The following ACVR1C variants were observed in gnomAD, a reference collection of about 807,000 sequenced individuals.
ACVR1C encodes activin A receptor type 1C.
Under a neutral mutation model 57.9 loss-of-function variants are expected in ACVR1C, and 23 were observed. That is an observed-to-expected ratio of 0.40 (90% CI 0.29 to 0.56). ACVR1C has a LOEUF of 0.56. ACVR1C is among the 20% of genes least tolerant of loss of function. The pLI is 0.50. For synonymous variants in ACVR1C, 214 were observed against 215.3 expected, an observed-to-expected ratio of 0.99 and a Z score of 0.05; for missense variants, 480 against 607.9, an observed-to-expected ratio of 0.79 and a Z score of 2.21.
chr2:157,532,180 G>C lies in ACVR1C; in HGVS notation c.*1738C>G, dbSNP rs1455280298. ...TGAAATGAAGCATAATCACTAAATT[G>C]TACTCTATGAGAAAATACAGAAGTA... On this transcript the variant is annotated 3_prime_UTR_variant, in exon 9 of 9. Coordinates refer to ENST00000243349, the MANE Select transcript of ACVR1C (RefSeq NM_145259.3). 6.6e-6 allele frequency: 1 copy of C among 151,952 alleles called. No homozygotes were observed. Among genetic ancestry groups the C allele is most frequent in the Non-Finnish European group, 1.5e-5 (1 of 67,970 alleles). The allele number at this position is 151,952 out of a possible 1,614,324, so 9.4% of individuals were successfully genotyped here.
intron 3 of ACVR1C, among the ~76,000 whole-genome samples, chr2:157,554,252 A>AAAGAAAGAAAGAAAGAAAGAAAGG (rs1688014432): frequency 1.5e-5 from 2 of 130,826 alleles, no homozygotes; most frequent in Non-Finnish European, 3.2e-5. Context: ...AGAAAGAAAG[A>AAAGAAAGAAAGAAAGAAAGAAAGG]AAGAAAGAAA....
intron 1 of ACVR1C, among the ~76,000 whole-genome samples, chr2:157,612,704 G>A (rs948653367): frequency 8.5e-5 from 13 of 152,214 alleles, no homozygotes; most frequent in African/African-American, 2.9e-4. Flanking sequence ...CCTCCTTGGT[G>A]TGCTGCACAG....
chr2:157,545,766 A>G (rs1438812392), intron 4 of ACVR1C, among the ~76,000 whole-genome samples: 1 of 151,992 alleles, frequency 6.6e-6, no homozygotes, highest in African/African-American at 2.4e-5. Context: ...TATTACTATT[A>G]TTTTATTTTT....
intron 1 of ACVR1C, among the ~76,000 whole-genome samples, chr2:157,608,733 T>C (rs1197578713): frequency 1.3e-5 from 2 of 152,006 alleles, no homozygotes; most frequent in African/African-American, 4.8e-5. Context: ...AATTTATCCA[T>C]TTCCTCTATG....
At chr2:157,574,734 A>C (rs1008065052) in intron 2 of ACVR1C, among the ~76,000 whole-genome samples, 1 of 152,180 alleles carries the variant, frequency 6.6e-6, no homozygotes, top group Non-Finnish European at 1.5e-5. Flanking sequence ...AAACCAAATA[A>C]ATCAATTGTT....
intron 2 of ACVR1C, among the ~76,000 whole-genome samples, chr2:157,563,952 T>C (rs892904289): frequency 2.0e-5 from 3 of 152,180 alleles, no homozygotes; most frequent in African/African-American, 4.8e-5. Flanking sequence ...TTACACATTA[T>C]ACAAAAATTA....
intron 2 of ACVR1C, among the ~76,000 whole-genome samples, chr2:157,579,438 A>T (rs192966754): frequency 6.6e-6 from 1 of 152,262 alleles, no homozygotes; most frequent in East Asian, 1.9e-4. Context: ...TGTGTAAATT[A>T]GTTACTGTAT....
intron 8 of ACVR1C, among the ~76,000 whole-genome samples, chr2:157,538,061 A>G (rs1162460372): frequency 1.3e-5 from 2 of 152,160 alleles, no homozygotes; most frequent in Non-Finnish European, 2.9e-5. Context: ...GACATTAACT[A>G]CCCACTGAGT....
intron 2 of ACVR1C, among the ~76,000 whole-genome samples, chr2:157,578,723 T>C (rs1483605302): frequency 2.0e-5 from 3 of 152,224 alleles, no homozygotes; most frequent in Non-Finnish European, 4.4e-5. Flanking sequence ...ATTCTGTTGC[T>C]AGCTATTTTC....
chr2:157,622,262 AAT>A (rs1682796230), intron 1 of ACVR1C, among the ~76,000 whole-genome samples: 1 of 152,170 alleles, frequency 6.6e-6, no homozygotes, highest in Non-Finnish European at 1.5e-5. Context: ...TAGAAAAAAA[AAT>A]CCTAAAATTT....
At position 157,556,279 on chromosome 2, in the gene ACVR1C, C is replaced by T. The variant is rs1688098337; in HGVS notation, c.358G>A (p.Val120Met). The T allele has an allele frequency of 4.3e-6, 7 of 1,614,120 alleles. No homozygotes were observed. In the East Asian group the frequency reaches 1.6e-4, roughly 36 times the overall value. ...GCTATGGACAGGAGGCAAACAGGCACAGTAATAATGATGGCCAGCTCCATG... is the reference window on the plus strand; with the variant it reads ...GCTATGGACAGGAGGCAAACAGGCATAGTAATAATGATGGCCAGCTCCATG... ...GPMELAIIIT[V>M]PVCLLSIAAM... Residue 120 changes from valine (V) to methionine (M), a missense_variant, in exon 3 of 9, where the codon GTG becomes ATG. Transcript: ENST00000243349.
intron 2 of ACVR1C, among the ~76,000 whole-genome samples, chr2:157,572,462 C>G (rs551744356): frequency 6.6e-6 from 1 of 151,878 alleles, no homozygotes; most frequent in Non-Finnish European, 1.5e-5. Flanking sequence ...TTGGAAAAAA[C>G]TGATGTGAAA....
intron 1 of ACVR1C, among the ~76,000 whole-genome samples, chr2:157,624,303 C>T (rs1478661039): frequency 6.6e-6 from 1 of 152,176 alleles, no homozygotes; most frequent in Admixed American, 6.5e-5. Flanking sequence ...TCAGCAGCCT[C>T]CTTATTCCTG....
intron 3 of ACVR1C, among the ~76,000 whole-genome samples, chr2:157,553,720 C>T (rs529040833): frequency 6.6e-6 from 1 of 152,270 alleles, no homozygotes; most frequent in African/African-American, 2.4e-5. Flanking sequence ...AGTTATTTAA[C>T]CTCTTGAACC....
In ACVR1C at chr2:157,582,239, C is replaced by T. The variant is rs1231959206; in HGVS notation, c.304+4948G>A. Among the ~76,000 whole-genome samples, 4 of 152,086 alleles carry T rather than the reference C, an allele frequency of 2.6e-5. No homozygotes were observed. In the East Asian group the frequency reaches 7.7e-4, roughly 29 times the overall value. Reference sequence around the variant, plus strand: ...ACTCAAGAAGCTAAGGTAGAAAGATCGCTTGAGCCCAGGAGTTCAAGGCTG... The same window carrying T: ...ACTCAAGAAGCTAAGGTAGAAAGATTGCTTGAGCCCAGGAGTTCAAGGCTG... On this transcript the variant is annotated intron_variant, in intron 2 of 8. Coordinates refer to ENST00000243349, the MANE Select transcript of ACVR1C (RefSeq NM_145259.3).
chr2:157,601,885 T>C (rs186549755), intron 1 of ACVR1C, among the ~76,000 whole-genome samples: 44 of 152,230 alleles, frequency 2.9e-4, no homozygotes, highest in African/African-American at 9.9e-4. Flanking sequence ...AGATAACACA[T>C]TTAACACACC....
chr2:157,551,899 G>A (rs891872727), intron 3 of ACVR1C, among the ~76,000 whole-genome samples: 10 of 152,084 alleles, frequency 6.6e-5, no homozygotes, highest in Non-Finnish European at 1.0e-4. Context: ...CTGCTGTTAC[G>A]GATCTCAACA....
intron 1 of ACVR1C, among the ~76,000 whole-genome samples, chr2:157,594,627 A>G (rs1284583048): frequency 6.6e-6 from 1 of 152,144 alleles, no homozygotes; most frequent in African/African-American, 2.4e-5. Context: ...GATGGGGGAA[A>G]AGTGATAGAG....
intron 1 of ACVR1C, 134 bp from the exon 2 acceptor site, chr2:157,587,551 T>C: frequency 1.6e-6 from 1 of 638,854 alleles, no homozygotes; most frequent in Non-Finnish European, 2.7e-6. Context: ...GCTAAACACA[T>C]GCTAAGCAAT....
Sources: allele counts gnomAD v4.1 joint callset (sites outside exome capture counted in the v4.1 genomes callset), GRCh38; gene constraint gnomAD v4.1.1; transcripts MANE v1.5; gene names NCBI Gene and HGNC (gene_info 2026-07-23, HGNC 2026-07-21).